SEC13: variants seen among roughly 807,000 people sequenced by gnomAD.
SEC13 encodes SEC13 homolog, nuclear pore and COPII component.
Under a neutral mutation model 49.2 loss-of-function variants are expected in SEC13, and 25 were observed. That is an observed-to-expected ratio of 0.51 (90% CI 0.37 to 0.71). The LOEUF is 0.71. Ranked by LOEUF, SEC13 falls within the 30% of genes least tolerant of loss-of-function variation. SEC13 has a pLI of 0.00. For synonymous variants in SEC13, 148 were observed against 163.9 expected (o/e 0.90, Z 0.74); for missense variants, 383 against 417.6 (o/e 0.92, Z 0.72).
intron 5 of SEC13, among the ~76,000 whole-genome samples, chr3:10,310,581 G>A (rs576424169): frequency 1.3e-5 from 2 of 152,272 alleles, no homozygotes; most frequent in South Asian, 4.2e-4. Flanking sequence ...ACAGACATAT[G>A]TTAGTGAGGA....
At chr3:10,318,374 T>G (rs1320244241) in intron 1 of SEC13, among the ~76,000 whole-genome samples, 1 of 152,010 alleles carries the variant, frequency 6.6e-6, no homozygotes, top group East Asian at 1.9e-4. Flanking sequence ...CCTGAGGGGC[T>G]GGGGTGGTAG....
intron 2 of SEC13, among the ~76,000 whole-genome samples, chr3:10,316,315 A>G (rs1701602106): frequency 6.6e-6 from 1 of 151,734 alleles, no homozygotes; most frequent in African/African-American, 2.4e-5. Flanking sequence ...TATCAGCTGC[A>G]CTCCCATGGC....
chr3:10,317,001 CA>C (rs35597823), intron 2 of SEC13, among the ~76,000 whole-genome samples: 22,788 of 74,840 alleles, frequency 0.3, 2,263 homozygotes, highest in East Asian at 0.45. Flanking sequence ...AACTCCATCT[CA>C]AAAAAAAAAA....
rs1272377128 is a variant in SEC13, at chr3:10,301,285, T to TGTCA, written c.941_944dup (p.Glu316AspfsTer31). The TGTCA allele has an allele frequency of 6.2e-7, 1 of 1,614,178 alleles. No homozygotes were observed. The highest frequency in any genetic ancestry group is 8.5e-7 in the Non-Finnish European group (1 of 1,180,028). ...GTCACTGCTCGTTCTGCTGGCCCTC[T>TGTCA]GTCACTGATGCTGATACGGAGCCCT... is the stretch of plus-strand genomic sequence containing the variant. On this transcript the variant is annotated frameshift_variant, in exon 9 of 9. Coordinates refer to ENST00000350697, the MANE Select transcript of SEC13 (RefSeq NM_183352.3). LOFTEE classifies it high-confidence loss of function.
At chr3:10,310,910 A>G (rs1425392793) in intron 5 of SEC13, among the ~76,000 whole-genome samples, 4 of 152,048 alleles carry the variant, frequency 2.6e-5, no homozygotes, top group Non-Finnish European at 5.9e-5. Flanking sequence ...ACGCTATGAT[A>G]TGGATGAAAC....
In SEC13 at chr3:10,317,873, G is replaced by A. The variant is rs549049528; in HGVS notation, c.48+177C>T. 3.9e-5 allele frequency among the ~76,000 whole-genome samples: 6 copies of A among 152,164 alleles called. No homozygotes were observed. The South Asian group carries it at 1.2e-3, about 32-fold the overall frequency. On this transcript the variant is annotated intron_variant, in intron 2 of 8. Transcript: ENST00000350697. ...CTGCCACAGTCCTGACAACTCAGAG[G>A]GCACTGCTAGGGAGCCTGCCATACC...
At chr3:10,301,413 G>GCCCTTCCCTCTGCTGTC (rs1488996866) in intron 8 of SEC13, 39 bp from the exon 9 acceptor site, 1 of 1,613,128 alleles carries the variant, frequency 6.2e-7, no homozygotes, top group Non-Finnish European at 8.5e-7. Context: ...ACGGGTCTGT[G>GCCCTTCCCTCTGCTGTC]CCCTTCCCTC....
intron 7 of SEC13, among the ~76,000 whole-genome samples, chr3:10,304,430 G>T (rs1336322921): frequency 6.6e-6 from 1 of 152,022 alleles, no homozygotes; most frequent in African/African-American, 2.4e-5. Flanking sequence ...TTTTCTCTGG[G>T]GTTTTCCTCA....
At chr3:10,308,592 C>G (rs999898945) in intron 5 of SEC13, among the ~76,000 whole-genome samples, 4 of 151,842 alleles carry the variant, frequency 2.6e-5, no homozygotes, top group African/African-American at 9.7e-5. Context: ...TTGGCTCACA[C>G]TTTCTTTCCT....
Position 10,315,389 on chromosome 3 carries a change from T to C in SEC13, c.96A>G (p.Ser32=). The change falls in exon 3 of 9, where the codon TCA becomes TCG. Residue 32 remains serine (S), a synonymous_variant. Transcript: ENST00000350697. ...CAAAGATTTTGACGGACCTGTCTGA[T>C]GAGCAGGTTGCCAGGCGGGTGCCAT... ...DYYGTRLATC[S]SDRSVKIFDV... is the part of the protein sequence containing the mutation. The C allele has an allele frequency of 1.0e-5, 16 of 1,573,784 alleles. No individual in the cohort carries two copies. Among genetic ancestry groups the C allele is most frequent in the Non-Finnish European group, 1.3e-5 (15 of 1,157,462 alleles).
chr3:10,311,000 A>G lies in SEC13; in HGVS notation c.450+965T>C, dbSNP rs547131477. On this transcript the variant is annotated intron_variant, in intron 5 of 8. Transcript: ENST00000350697. ...TCATTCTATGTACAACTGATCCTCA[A>G]TTTCATTTCATTATAATGCTGACAA... 3.3e-5 allele frequency among the ~76,000 whole-genome samples: 5 copies of G among 151,376 alleles called. No homozygotes were observed. The East Asian group carries it at 5.9e-4, about 18-fold the overall frequency.
intron 3 of SEC13, chr3:10,313,452 A>G: frequency 1.9e-6 from 1 of 530,664 alleles, no homozygotes; most frequent in Non-Finnish European, 3.9e-6. Flanking sequence ...AAATGGAGAC[A>G]TCAATAAGAA....
intron 1 of SEC13, chr3:10,319,312 G>T (rs377287842): frequency 1.3e-6 from 2 of 1,583,962 alleles, no homozygotes; most frequent in East Asian, 4.5e-5. Flanking sequence ...CCAGGTCCCC[G>T]AAGTCTGCAA....
intron 1 of SEC13, chr3:10,319,456 G>T (rs1368569131): frequency 1.9e-6 from 1 of 533,230 alleles, no homozygotes; most frequent in Non-Finnish European, 3.2e-6. Context: ...AGGAAATGAA[G>T]AAGCCCAGAG....
At chr3:10,305,815 A>C in intron 5 of SEC13, 123 bp from the exon 6 acceptor site, 1 of 1,022,218 alleles carries the variant, frequency 9.8e-7, no homozygotes. Flanking sequence ...GCTGACATGA[A>C]GCACTCATCA....
chr3:10,319,012 G>T, intron 1 of SEC13: 2 of 862,474 alleles, frequency 2.3e-6, no homozygotes, highest in Admixed American at 3.0e-5. Context: ...GCGACTATTT[G>T]CTGAATGAAT....
chr3:10,308,786 G>T (rs908650137), intron 5 of SEC13, among the ~76,000 whole-genome samples: 4 of 125,734 alleles, frequency 3.2e-5, no homozygotes, highest in African/African-American at 1.3e-4. Context: ...GTGATGCTGA[G>T]TTGAATTTTT....
chr3:10,314,856 G>T (rs1356879174), intron 3 of SEC13: 2 of 154,638 alleles, frequency 1.3e-5, no homozygotes, highest in Non-Finnish European at 2.9e-5. Context: ...TGATGCTTTT[G>T]TGACACTTTA....
chr3:10,315,322 C>A lies in SEC13; in HGVS notation c.163G>T (p.Gly55Cys), dbSNP rs1701533121. 6 of 1,610,860 alleles carry A rather than the reference C, an allele frequency of 3.7e-6. No homozygotes were observed. Among genetic ancestry groups the A allele is most frequent in the African/African-American group, 1.3e-5 (1 of 74,950 alleles). The change falls in exon 3 of 9, where the codon GGT (glycine) becomes TGT (cysteine). Residue 55 changes from glycine (G) to cysteine (C), a missense_variant and splice_region_variant. Physicochemically the swap from Gly to Cys is radical, Grantham distance 159. Transcript: ENST00000350697. The part of the protein sequence containing the change: ...GGQILIADLR[G>C]HEGPVWQVAW... Reference sequence around the variant, plus strand: ...TTCCCTGGGCTCGCCAGCACTTACCCCCTGAGGTCGGCGATAAGGATCTGC... The same window carrying A: ...TTCCCTGGGCTCGCCAGCACTTACCACCTGAGGTCGGCGATAAGGATCTGC...
Sources: allele counts gnomAD v4.1 joint callset (sites outside exome capture counted in the v4.1 genomes callset), GRCh38; gene constraint gnomAD v4.1.1; transcripts MANE v1.5; gene names NCBI Gene and HGNC (gene_info 2026-07-23, HGNC 2026-07-21).